ZNF365: variants seen among roughly 807,000 people sequenced by gnomAD.
ZNF365 encodes the protein protein ZNF365.
In ZNF365, 22 loss-of-function variants were observed where a neutral mutation model predicts 35.0. The ratio of observed to expected loss-of-function variants is 0.63; its 90% CI spans 0.45 to 0.90. ZNF365 has a LOEUF of 0.90. ZNF365 is among the 40% of genes least tolerant of loss of function. The pLI, the probability that ZNF365 is intolerant of heterozygous loss-of-function variation, is 0.00. For missense variants in ZNF365, 448 were observed against 500.3 expected, an observed-to-expected ratio of 0.90 and a Z score of 1.00; for synonymous variants, 188 against 196.2, an observed-to-expected ratio of 0.96 and a Z score of 0.35.
chr10:62,424,243 A>T (rs1453499903), intron 3 of ZNF365, among the ~76,000 whole-genome samples: 1 of 152,168 alleles, frequency 6.6e-6, no homozygotes, highest in Non-Finnish European at 1.5e-5. Flanking sequence ...TATCAAATTT[A>T]ACACTTAATG....
intron 3 of ZNF365, among the ~76,000 whole-genome samples, chr10:62,395,367 C>T (rs1239328228): frequency 5.4e-5 from 8 of 148,804 alleles, no homozygotes; most frequent in East Asian, 3.9e-4. Flanking sequence ...TTTTTCGAGG[C>T]GCTCTTGTTG....
Position 62,399,542 on chromosome 10 carries a change from C to A in ZNF365, c.977C>A (p.Pro326Gln). The change falls in exon 5 of 5, where the codon CCG becomes CAG. Residue 326 changes from proline (P) to glutamine (Q), a missense_variant. By Grantham distance (76) the Pro-to-Gln change is moderately conservative. Around this residue, in one of 3 missense-constraint regions of ZNF365, gnomAD observed 362 missense variants for 375.7 expected, o/e 0.96. Coordinates refer to ENST00000395254, the MANE Select transcript of ZNF365 (RefSeq NM_014951.3). ...RKPKCLSRGH[P>Q]HSVCNHPDLK... is the part of the protein sequence containing the mutation. ...ACCCTCTGTAGAAGCCGAGGGCACC[C>A]GCATTCGGTATGTAACCACCCTGAT... 1 of 1,614,030 alleles carries A rather than the reference C, an allele frequency of 6.2e-7. No homozygotes were observed. The highest frequency in any genetic ancestry group is 1.1e-5 in the South Asian group (1 of 91,060).
chr10:62,445,751 A>G (rs1840576693), intron 3 of ZNF365, among the ~76,000 whole-genome samples: 2 of 152,206 alleles, frequency 1.3e-5, no homozygotes, highest in Admixed American at 1.3e-4. Flanking sequence ...AAAGAATCAT[A>G]TTAAGATTCT....
At chr10:62,459,625 G>A (rs1840814393) in intron 3 of ZNF365, 2 of 1,157,816 alleles carry the variant, frequency 1.7e-6, no homozygotes, top group Admixed American at 2.3e-5. Flanking sequence ...GGGAAAATAT[G>A]TCAGCTCTCT....
chr10:62,436,164 T>A (rs927211440), intron 3 of ZNF365, among the ~76,000 whole-genome samples: 10 of 152,274 alleles, frequency 6.6e-5, no homozygotes, highest in African/African-American at 2.4e-4. Flanking sequence ...CACCATCTAA[T>A]GTATTATAAA....
intron 3 of ZNF365, among the ~76,000 whole-genome samples, chr10:62,395,268 A>G (rs1375273478): frequency 6.6e-6 from 1 of 151,988 alleles, no homozygotes; most frequent in Admixed American, 6.6e-5. Flanking sequence ...CAGTTTGATG[A>G]TATCAAAGAC....
At chr10:62,389,839 A>G (rs188727448) in intron 3 of ZNF365, among the ~76,000 whole-genome samples, 44 of 152,344 alleles carry the variant, frequency 2.9e-4, no homozygotes, top group Non-Finnish European at 6.0e-4. Context: ...TTCAGGTGCT[A>G]TATTCAAAGA....
At position 62,376,799 on chromosome 10, in the gene ZNF365, G is replaced by A. The variant is rs1564565437; in HGVS notation, c.606G>A (p.Val202=). 1 of 1,614,204 alleles carries A rather than the reference G, an allele frequency of 6.2e-7. No homozygotes were observed. The highest frequency in any genetic ancestry group is 8.5e-7 in the Non-Finnish European group (1 of 1,180,050). The change falls in exon 2 of 5, where the codon GTG becomes GTA. Residue 202 remains valine (V), a synonymous_variant. Transcript: ENST00000395254. ...AELLEVRAAF[V]QLTQKKQEVQ... ...TGTTGGAAGTTCGGGCAGCTTTTGT[G>A]CAGCTGACTCAGAAAAAGCAGGAAG...
intron 3 of ZNF365, among the ~76,000 whole-genome samples, chr10:62,456,761 A>G (rs1840767094): frequency 6.6e-6 from 1 of 152,222 alleles, no homozygotes; most frequent in Non-Finnish European, 1.5e-5. Context: ...CTAGCAGGAA[A>G]GTAAGCATCT....
chr10:62,378,289 T>G (rs568344449), intron 2 of ZNF365, among the ~76,000 whole-genome samples: 1 of 152,372 alleles, frequency 6.6e-6, no homozygotes, highest in African/African-American at 2.4e-5. Context: ...GAATTAAATT[T>G]GAACATTTTT....
At chr10:62,423,484 A>G (rs3898379) in intron 3 of ZNF365, among the ~76,000 whole-genome samples, 87,437 of 151,948 alleles carry the variant, frequency 0.58, 25,882 homozygotes, top group East Asian at 0.77. Context: ...ATTTGGGTAC[A>G]TTCAATCATT....
intron 4 of ZNF365, among the ~76,000 whole-genome samples, chr10:62,464,783 C>G (rs754806630): frequency 6.6e-6 from 1 of 152,180 alleles, no homozygotes; most frequent in African/African-American, 2.4e-5. Context: ...ACACAATACT[C>G]GAAGTCATAA....
intron 3 of ZNF365, 55 bp from the exon 4 acceptor site, chr10:62,398,685 A>G: frequency 1.3e-6 from 2 of 1,551,584 alleles, no homozygotes; most frequent in Middle Eastern, 1.7e-4. Context: ...TATTTTAAAA[A>G]CCAAATCCAG....
chr10:62,397,851 A>C (rs1010713417), intron 3 of ZNF365, among the ~76,000 whole-genome samples: 4 of 152,240 alleles, frequency 2.6e-5, no homozygotes, highest in Non-Finnish European at 5.9e-5. Context: ...TGAATCAATC[A>C]AGAAATCATG....
intron 2 of ZNF365, among the ~76,000 whole-genome samples, chr10:62,386,529 G>T (rs182254715): frequency 7.2e-5 from 11 of 152,322 alleles, no homozygotes; most frequent in Admixed American, 3.9e-4. Flanking sequence ...ATTAGAGCCA[G>T]CCTGTTGTCT....
intron 4 of ZNF365, among the ~76,000 whole-genome samples, chr10:62,462,941 G>A (rs2132482705): frequency 1.3e-5 from 2 of 152,248 alleles, no homozygotes; most frequent in South Asian, 4.1e-4. Flanking sequence ...ATACATTTCT[G>A]AAAGGTGAGC....
At chr10:62,451,476 G>A (rs1045240847) in intron 3 of ZNF365, among the ~76,000 whole-genome samples, 1 of 152,088 alleles carries the variant, frequency 6.6e-6, no homozygotes, top group Non-Finnish European at 1.5e-5. Flanking sequence ...GCTGGTGGTA[G>A]CAAAAAAGCA....
chr10:62,435,175 G>T (rs893281625), intron 3 of ZNF365, among the ~76,000 whole-genome samples: 2 of 152,132 alleles, frequency 1.3e-5, no homozygotes, highest in African/African-American at 4.8e-5. Flanking sequence ...TGAGATTTGG[G>T]AAGGACTATT....
At chr10:62,380,129 G>A (rs1439126826) in intron 2 of ZNF365, among the ~76,000 whole-genome samples, 1 of 152,248 alleles carries the variant, frequency 6.6e-6, no homozygotes, top group African/African-American at 2.4e-5. Flanking sequence ...TCTATAGGCT[G>A]AATCAGCCAG....
Sources: gnomAD v4.1 joint callset for allele counts (sites outside exome capture counted in the v4.1 genomes callset) on GRCh38, gnomAD v4.1.1 for gene constraint, gnomAD v4.1.1 regional missense constraint, MANE v1.5 for transcripts, NCBI Gene and HGNC (gene_info 2026-07-23, HGNC 2026-07-21) for gene names.